The following CTDSPL variants were observed in gnomAD, a reference collection of about 807,000 sequenced individuals.
CTDSPL encodes the protein CTD small phosphatase like, also known as CTD small phosphatase-like protein.
Under a neutral mutation model 30.5 loss-of-function variants are expected in CTDSPL, and 8 were observed. The observed-to-expected ratio is 0.26, with a 90% CI of 0.15 to 0.47. CTDSPL has a LOEUF of 0.47. CTDSPL is among the 20% of genes least tolerant of loss of function. CTDSPL has a pLI of 0.99. For synonymous variants in CTDSPL, 110 were observed against 137.9 expected (o/e 0.80, Z 1.42); for missense variants, 248 against 366.1 (o/e 0.68, Z 2.63).
At chr3:37,967,570 G>T (rs778079193) in intron 4 of CTDSPL, among the ~76,000 whole-genome samples, 4 of 152,232 alleles carry the variant, frequency 2.6e-5, no homozygotes, top group Admixed American at 1.3e-4. Flanking sequence ...GCCAGGCAGT[G>T]CCACACTTTT....
chr3:37,900,921 T>C (rs780157662), intron 1 of CTDSPL, among the ~76,000 whole-genome samples: 4 of 152,122 alleles, frequency 2.6e-5, no homozygotes, highest in Non-Finnish European at 4.4e-5. Context: ...CCTCAGTCTC[T>C]CTAGTAGCCA....
chr3:37,959,682 C>T (rs1699214116), intron 3 of CTDSPL, among the ~76,000 whole-genome samples: 1 of 152,142 alleles, frequency 6.6e-6, no homozygotes, highest in Non-Finnish European at 1.5e-5. Flanking sequence ...TTAAAAATAT[C>T]CTCTTTTCTG....
intron 1 of CTDSPL, among the ~76,000 whole-genome samples, chr3:37,938,804 C>T (rs1162974926): frequency 6.7e-6 from 1 of 149,328 alleles, no homozygotes; most frequent in Non-Finnish European, 1.5e-5. Flanking sequence ...CCTCAGCCTC[C>T]CGAGTAGCTG....
intron 1 of CTDSPL, among the ~76,000 whole-genome samples, chr3:37,884,033 T>C (rs1698237480): frequency 6.6e-6 from 1 of 152,220 alleles, no homozygotes; most frequent in Non-Finnish European, 1.5e-5. Flanking sequence ...GAGTCCAAGT[T>C]ATACAACTTT....
intron 1 of CTDSPL, among the ~76,000 whole-genome samples, chr3:37,868,613 G>A (rs1305253694): frequency 6.6e-6 from 1 of 151,886 alleles, no homozygotes; most frequent in Non-Finnish European, 1.5e-5. Context: ...TTGGTTTTTT[G>A]TCTCTGAGTG....
chr3:37,882,998 A>G (rs1698224818), intron 1 of CTDSPL, among the ~76,000 whole-genome samples: 1 of 152,248 alleles, frequency 6.6e-6, no homozygotes, highest in Non-Finnish European at 1.5e-5. Flanking sequence ...TGTTCTATTT[A>G]CAAACGTGTA....
chr3:37,976,913 C>T (rs1317803844), intron 7 of CTDSPL, among the ~76,000 whole-genome samples: 1 of 151,978 alleles, frequency 6.6e-6, no homozygotes, highest in Non-Finnish European at 1.5e-5. Context: ...ACATCAGGCC[C>T]CTAGACCAGG....
intron 1 of CTDSPL, among the ~76,000 whole-genome samples, chr3:37,920,784 GTGGA>G (rs1698703743): frequency 6.6e-6 from 1 of 152,244 alleles, no homozygotes; most frequent in African/African-American, 2.4e-5. Context: ...GGGATGTAAT[GTGGA>G]TGCATTTCAC....
intron 1 of CTDSPL, among the ~76,000 whole-genome samples, chr3:37,918,931 G>A (rs1407500908): frequency 1.3e-5 from 2 of 152,032 alleles, no homozygotes; most frequent in Admixed American, 1.3e-4. Context: ...AGCCGTGTTT[G>A]CCTTTAATTG....
At chr3:37,953,141 C>T (rs1699128839) in intron 2 of CTDSPL, among the ~76,000 whole-genome samples, 1 of 151,934 alleles carries the variant, frequency 6.6e-6, no homozygotes, top group Non-Finnish European at 1.5e-5. Context: ...CTTACTAATC[C>T]TTCAAAATCT....
At position 37,982,561 on chromosome 3, in the gene CTDSPL, C is replaced by T. The variant is rs183050771; in HGVS notation, c.*1694C>T. ...AATATCTTTGTTTTGCTTTCATTCA[C>T]AAAGTAATGAAGCCAGCTGCCAATT... On this transcript the variant is annotated 3_prime_UTR_variant, in exon 8 of 8. Coordinates refer to ENST00000273179, the MANE Select transcript of CTDSPL (RefSeq NM_001008392.2). The T allele has an allele frequency of 7.9e-4, 360 of 456,674 alleles. 1 individual carries two copies. The highest frequency in any genetic ancestry group is 1.9e-3 in the Admixed American group (79 of 42,568). 28.3% of individuals were successfully genotyped at this position (456,674 alleles called of 1,614,324 possible).
chr3:37,910,944 T>G (rs2125605763), intron 1 of CTDSPL, among the ~76,000 whole-genome samples: 1 of 152,324 alleles, frequency 6.6e-6, no homozygotes, highest in South Asian at 2.1e-4. Flanking sequence ...AGGTTGAGGC[T>G]TCTGCTTCCC....
intron 1 of CTDSPL, among the ~76,000 whole-genome samples, chr3:37,927,636 ATGTGTGTGTGTGTGTGTGTGTG>A (rs71094932): frequency 8.6e-6 from 1 of 115,782 alleles, no homozygotes; most frequent in Admixed American, 8.9e-5. Flanking sequence ...AGAAAAATAT[ATGTGTGTGTGTGTGTGTGTGTG>A]TGTGTGTGTG....
intron 2 of CTDSPL, among the ~76,000 whole-genome samples, chr3:37,951,739 A>G (rs1402480898): frequency 6.6e-6 from 1 of 152,116 alleles, no homozygotes; most frequent in Non-Finnish European, 1.5e-5. Flanking sequence ...TAGAACTGTA[A>G]CAAGTGGCAC....
At chr3:37,935,104 A>T (rs1206988944) in intron 1 of CTDSPL, among the ~76,000 whole-genome samples, 1 of 152,208 alleles carries the variant, frequency 6.6e-6, no homozygotes, top group Non-Finnish European at 1.5e-5. Flanking sequence ...TGTTCCCTCC[A>T]GTTGCTATGT....
chr3:37,886,415 T>G (rs1054805323), intron 1 of CTDSPL, among the ~76,000 whole-genome samples: 2 of 152,140 alleles, frequency 1.3e-5, no homozygotes, highest in African/African-American at 4.8e-5. Flanking sequence ...CCATCCAGAT[T>G]ATGCCAGTTG....
At position 37,862,314 on chromosome 3, in the gene CTDSPL, G is replaced by A; in HGVS notation, c.79+36G>A. 2.8e-6 allele frequency: 4 copies of A among 1,443,170 alleles called. No homozygotes were observed. The highest frequency in any genetic ancestry group is 2.7e-5 in the South Asian group (2 of 72,792). 89.4% of individuals were successfully genotyped at this position (1,443,170 alleles called of 1,614,324 possible). A position where few individuals can be genotyped will look rare whatever the true frequency, so the allele number is the denominator to read the frequency against. ...GCGCAGGCGGCCGCGGGCTGGGGGC[G>A]AGCGCACACCCCGCGCCGCTGGAGT... On this transcript the variant is annotated intron_variant, in intron 1 of 7. Transcript: ENST00000273179. The surrounding 1 kb of genome is among the most constrained non-coding windows in gnomAD (Gnocchi z 4.3).
At chr3:37,938,084 A>G (rs960079200) in intron 1 of CTDSPL, among the ~76,000 whole-genome samples, 6 of 150,348 alleles carry the variant, frequency 4.0e-5, no homozygotes, top group Non-Finnish European at 8.9e-5. Flanking sequence ...ATGGATTCAT[A>G]GTGAGTAGCA....
intron 1 of CTDSPL, among the ~76,000 whole-genome samples, chr3:37,892,297 T>A (rs1431676168): frequency 6.6e-6 from 1 of 152,188 alleles, no homozygotes; most frequent in Non-Finnish European, 1.5e-5. Context: ...TCTCACAGTG[T>A]TCCTATTAAA....
Sources: gnomAD v4.1 joint callset for allele counts (sites outside exome capture counted in the v4.1 genomes callset) on GRCh38, gnomAD v4.1.1 for gene constraint, Gnocchi (gnomAD v3.1) non-coding constraint, MANE v1.5 for transcripts, NCBI Gene and HGNC (gene_info 2026-07-23, HGNC 2026-07-21) for gene names.